FMN2: variants seen among roughly 807,000 people sequenced by gnomAD.
FMN2 encodes formin-2.
A neutral mutation model predicts 142.3 loss-of-function variants in FMN2; 51 were observed. The ratio of observed to expected loss-of-function variants is 0.36; its 90% confidence interval spans 0.29 to 0.45. FMN2 has a LOEUF of 0.45. Ranked by LOEUF, FMN2 falls within the 20% of genes least tolerant of loss-of-function variation. FMN2 has a pLI of 1.00. For synonymous variants in FMN2, 882 were observed against 869.8 expected (o/e 1.01, Z -0.25); for missense variants, 1,936 against 2,122.8 (o/e 0.91, Z 1.73).
chr1:240,091,986 C>T lies in FMN2; in HGVS notation c.-124C>T, dbSNP rs1485062245. 3.9e-5 allele frequency: 53 copies of T among 1,376,024 alleles called. No homozygotes were observed. The highest frequency in any genetic ancestry group is 4.6e-5 in the Non-Finnish European group (49 of 1,072,588). 85.2% of individuals were successfully genotyped at this position (1,376,024 alleles called of 1,614,324 possible). ...GCCGGGCGCGCGTCGGCCTCCCCTC[C>T]CAGCGGCTCCCCCCGCCGCCGCCTG... is the stretch of plus-strand genomic sequence containing the variant. On this transcript the variant is annotated 5_prime_UTR_variant, in exon 1 of 18. Transcript: ENST00000319653.
chr1:240,182,984 C>T (rs1665215576), intron 3 of FMN2, among the ~76,000 whole-genome samples: 1 of 151,608 alleles, frequency 6.6e-6, no homozygotes, highest in African/African-American at 2.4e-5. Flanking sequence ...TGGCATGATC[C>T]CGGCTCACTG....
At chr1:240,262,120 G>A (rs1208166967) in intron 7 of FMN2, among the ~76,000 whole-genome samples, 1 of 151,688 alleles carries the variant, frequency 6.6e-6, no homozygotes, top group Non-Finnish European at 1.5e-5. Flanking sequence ...GGGTACATGT[G>A]CACAACCAGT....
Position 240,236,248 on chromosome 1 carries a change from AT to A in FMN2, c.4066-21691del, listed in dbSNP as rs565182117. Among the ~76,000 whole-genome samples, 353 of 151,998 alleles carry A rather than the reference AT, an allele frequency of 2.3e-3. 2 individuals carry two copies. Among genetic ancestry groups the A allele is most frequent in the African/African-American group, 8.4e-3 (349 of 41,442 alleles). On this transcript the variant is annotated intron_variant, in intron 6 of 17. Transcript: ENST00000319653. ...CTTTCAGGTGTGACCTGAAAATGGA[AT>A]TTTTTCTCATCTCCCTAGCACCATC...
intron 8 of FMN2, among the ~76,000 whole-genome samples, chr1:240,327,780 T>G (rs1457859042): frequency 6.6e-6 from 1 of 152,016 alleles, no homozygotes. Context: ...ATGACAAATT[T>G]TTAGTTTGCG....
chr1:240,472,375 A>G lies in FMN2; in HGVS notation c.5064A>G (p.Val1688=). The G allele has an allele frequency of 6.2e-7, 1 of 1,610,994 alleles. No homozygotes were observed. The highest frequency in any genetic ancestry group is 8.5e-7 in the Non-Finnish European group (1 of 1,178,742). Residue 1688 remains valine (V), a synonymous_variant, in exon 17 of 18, where the codon GTA becomes GTG. Coordinates refer to ENST00000319653, the MANE Select transcript of FMN2 (RefSeq NM_020066.5). ...KENKLLLQER[V]KEAEEVCRQK... ...ACATGTGTCTTCTCCCCATCAGAGTAAAAGAAGCCGAAGAGGTGTGTAGAC... is the reference window on the plus strand; with the variant it reads ...ACATGTGTCTTCTCCCCATCAGAGTGAAAGAAGCCGAAGAGGTGTGTAGAC...
chr1:240,429,891 TTTTG>T (rs1451697471), intron 15 of FMN2, among the ~76,000 whole-genome samples: 2,139 of 138,824 alleles, frequency 0.015, 48 homozygotes, highest in African/African-American at 0.069. Flanking sequence ...TTTGTTTTTT[TTTTG>T]TTTTTTTTGA....
chr1:240,428,027 T>C (rs898031343), intron 15 of FMN2, among the ~76,000 whole-genome samples: 2 of 152,146 alleles, frequency 1.3e-5, no homozygotes, highest in East Asian at 3.9e-4. Context: ...TATTCAATTG[T>C]GTGTTTCTTA....
intron 8 of FMN2, among the ~76,000 whole-genome samples, chr1:240,297,594 C>CAAAAAAAAA (rs57504077): frequency 1.1e-5 from 1 of 88,784 alleles, no homozygotes; most frequent in Admixed American, 1.1e-4. Context: ...GACTCCATCT[C>CAAAAAAAAA]AAAAAAAAAA....
At chr1:240,143,972 T>C in intron 2 of FMN2, 2 of 1,401,838 alleles carry the variant, frequency 1.4e-6, no homozygotes, top group Non-Finnish European at 2.0e-6. Flanking sequence ...GTGGAGAACA[T>C]AGTCTGAAAG....
At chr1:240,447,321 T>C (rs1675858596) in intron 16 of FMN2, among the ~76,000 whole-genome samples, 1 of 152,166 alleles carries the variant, frequency 6.6e-6, no homozygotes, top group Non-Finnish European at 1.5e-5. Context: ...ACTTTGAGAA[T>C]ATATATTTCA....
chr1:240,214,038 T>C (rs1666792595), intron 6 of FMN2, among the ~76,000 whole-genome samples: 1 of 152,254 alleles, frequency 6.6e-6, no homozygotes. Context: ...CATTTTATAC[T>C]TTTCTCATGG....
At chr1:240,253,518 T>G (rs1362033962) in intron 6 of FMN2, among the ~76,000 whole-genome samples, 1 of 152,226 alleles carries the variant, frequency 6.6e-6, no homozygotes, top group Non-Finnish European at 1.5e-5. Flanking sequence ...CTCTTTGTAT[T>G]GTTTATATGA....
At chr1:240,135,297 A>T (rs1662892305) in intron 2 of FMN2, among the ~76,000 whole-genome samples, 1 of 152,182 alleles carries the variant, frequency 6.6e-6, no homozygotes, top group Non-Finnish European at 1.5e-5. Context: ...TTGTGGGGTA[A>T]AATCATGGAT....
At chr1:240,239,651 C>G (rs2102864984) in intron 6 of FMN2, among the ~76,000 whole-genome samples, 1 of 152,274 alleles carries the variant, frequency 6.6e-6, no homozygotes, top group Admixed American at 6.5e-5. Context: ...CTAAAAGCAC[C>G]AGCATACTCT....
rs1234305709 is a variant in FMN2, at chr1:240,232,264, TTTTTTTA to T, written c.4065+21030_4065+21036del. On this transcript the variant is annotated intron_variant, in intron 6 of 17. Transcript: ENST00000319653. ...CCCAGCTAATCTTTTTTTTTTTTTT[TTTTTTTA>T]AGTAGAGACAGGGTTTCACAATGTT... Among the ~76,000 whole-genome samples the T allele has an allele frequency of 4.5e-3, 389 of 86,942 alleles. 4 individuals are homozygous for T. In the South Asian group the frequency reaches 0.059, roughly 13 times the overall value. 57.0% of individuals were successfully genotyped at this position (86,942 alleles called of 152,430 possible).
chr1:240,421,099 G>A (rs2103142360), intron 15 of FMN2, among the ~76,000 whole-genome samples: 1 of 152,220 alleles, frequency 6.6e-6, no homozygotes, highest in South Asian at 2.1e-4. Flanking sequence ...TGTGTCTGTA[G>A]GATTGCACTT....
At chr1:240,442,213 G>A (rs1270295158) in intron 16 of FMN2, among the ~76,000 whole-genome samples, 1 of 152,034 alleles carries the variant, frequency 6.6e-6, no homozygotes, top group African/African-American at 2.4e-5. Flanking sequence ...TAACTTCCCA[G>A]CTAGGCTGTT....
chr1:240,224,460 G>A (rs1667232606), intron 6 of FMN2, among the ~76,000 whole-genome samples: 1 of 152,056 alleles, frequency 6.6e-6, no homozygotes, highest in Admixed American at 6.5e-5. Flanking sequence ...TGTATATTCT[G>A]TTGATTTGGG....
intron 6 of FMN2, among the ~76,000 whole-genome samples, chr1:240,248,453 ATATAT>A (rs1170175318): frequency 9.2e-5 from 11 of 118,942 alleles, no homozygotes; most frequent in Non-Finnish European, 1.4e-4. Context: ...ATATATATAT[ATATAT>A]AACATACATG....
Sources: allele counts gnomAD v4.1 joint callset (sites outside exome capture counted in the v4.1 genomes callset), GRCh38; gene constraint gnomAD v4.1.1; transcripts MANE v1.5; gene names NCBI Gene and HGNC (gene_info 2026-07-23, HGNC 2026-07-21).